MSRA: variants seen among roughly 807,000 people sequenced by gnomAD.
MSRA encodes the protein mitochondrial peptide methionine sulfoxide reductase.
Under a neutral mutation model 31.3 loss-of-function variants are expected in MSRA, and 54 were observed. The observed-to-expected ratio is 1.73, with a 90% confidence interval of 1.39 to 2.17. The LOEUF is 2.17. MSRA is among the 30% of genes most tolerant of loss of function. The probability of loss-of-function intolerance (pLI) is 0.00; values close to 1 mark genes in which losing one functional copy is unlikely to be tolerated. For missense variants in MSRA, 507 were observed against 300.9 expected (o/e 1.69, Z -5.07); for synonymous variants, 169 against 116.5 (o/e 1.45, Z -2.90).
intron 1 of MSRA, among the ~76,000 whole-genome samples, chr8:10,191,885 A>G (rs1807541314): frequency 1.3e-5 from 2 of 152,194 alleles, no homozygotes; most frequent in African/African-American, 4.8e-5. Flanking sequence ...TTAGCAGTTT[A>G]AAACAACACT....
chr8:10,209,583 G>C (rs772745004), intron 2 of MSRA, among the ~76,000 whole-genome samples: 1 of 152,096 alleles, frequency 6.6e-6, no homozygotes, highest in Admixed American at 6.5e-5. Flanking sequence ...GCAGTGGAAA[G>C]ATTTGGTTTA....
At chr8:10,112,884 G>T (rs1226262676) in intron 1 of MSRA, among the ~76,000 whole-genome samples, 1 of 152,068 alleles carries the variant, frequency 6.6e-6, no homozygotes, top group African/African-American at 2.4e-5. Context: ...AACTTTTATG[G>T]CTGCCTTCTT....
Position 10,219,806 on chromosome 8 carries a change from CAAAAAAAA to C in MSRA, c.211+11920_211+11927del, listed in dbSNP as rs59393980. On this transcript the variant is annotated intron_variant, in intron 2 of 5. Transcript: ENST00000317173. ...GGACGACAGATCGAGACTCTGTCTCCAAAAAAAAAAAAAAAAAAAAAAGATATTTGTTA... is the reference window on the plus strand; with the variant it reads ...GGACGACAGATCGAGACTCTGTCTCCAAAAAAAAAAAAAAGATATTTGTTA... Among the ~76,000 whole-genome samples, 4 of 57,116 alleles carry C rather than the reference CAAAAAAAA, an allele frequency of 7.0e-5. 1 individual carries two copies. Among genetic ancestry groups the C allele is most frequent in the African/African-American group, 9.0e-5 (1 of 11,066 alleles). 37.5% of individuals were successfully genotyped at this position (57,116 alleles called of 152,430 possible).
chr8:10,323,896 G>C (rs17151759), intron 5 of MSRA, among the ~76,000 whole-genome samples: 31,654 of 152,038 alleles, frequency 0.21, 4,303 homozygotes, highest in East Asian at 0.59. Flanking sequence ...AGCCATTGCT[G>C]CTCACATTAC....
intron 5 of MSRA, among the ~76,000 whole-genome samples, chr8:10,419,130 C>G (rs1447682480): frequency 6.6e-6 from 1 of 152,182 alleles, no homozygotes; most frequent in Non-Finnish European, 1.5e-5. Context: ...AGCCAGCCCC[C>G]TCCACTCCCT....
rs530729294 is a variant in MSRA, at chr8:10,354,502, C to A, written c.543+34513C>A. On this transcript the variant is annotated intron_variant, in intron 5 of 5. Coordinates refer to ENST00000317173, the MANE Select transcript of MSRA (RefSeq NM_012331.5). Reference sequence around the variant, plus strand: ...GAAAACAGGTAAGACAATAATAGTACCTTTGCTAATCATATTTTAAAACAT... The same window carrying A: ...GAAAACAGGTAAGACAATAATAGTAACTTTGCTAATCATATTTTAAAACAT... Among the ~76,000 whole-genome samples the A allele has an allele frequency of 1.8e-4, 27 of 152,222 alleles. 2 individuals carry two copies. The highest frequency in any genetic ancestry group is 1.7e-3 in the Admixed American group (26 of 15,282).
At chr8:10,193,123 G>A (rs1807659751) in intron 1 of MSRA, among the ~76,000 whole-genome samples, 1 of 152,180 alleles carries the variant, frequency 6.6e-6, no homozygotes, top group African/African-American at 2.4e-5. Flanking sequence ...CAGATTTACT[G>A]CAAGGCCTAT....
intron 1 of MSRA, among the ~76,000 whole-genome samples, chr8:10,101,838 G>A (rs1397285810): frequency 6.6e-6 from 1 of 152,170 alleles, no homozygotes; most frequent in Non-Finnish European, 1.5e-5. Flanking sequence ...GAATAATGGT[G>A]CTATGAACAT....
At chr8:10,324,001 G>T (rs1321594697) in intron 5 of MSRA, among the ~76,000 whole-genome samples, 1 of 152,160 alleles carries the variant, frequency 6.6e-6, no homozygotes, top group East Asian at 1.9e-4. Flanking sequence ...AGATTCCACT[G>T]GGAGATGAGT....
chr8:10,422,190 G>A (rs940512092), intron 5 of MSRA, among the ~76,000 whole-genome samples: 2 of 152,160 alleles, frequency 1.3e-5, no homozygotes, highest in Admixed American at 6.5e-5. Flanking sequence ...AGGGGCTGAG[G>A]TACAAGGATC....
chr8:10,149,775 C>T (rs1488763231), intron 1 of MSRA, among the ~76,000 whole-genome samples: 1 of 45,582 alleles, frequency 2.2e-5, no homozygotes, highest in Non-Finnish European at 5.3e-5. Context: ...GCAGAAACCA[C>T]AAAGGTGGTA....
chr8:10,399,262 A>G (rs1807292405), intron 5 of MSRA, among the ~76,000 whole-genome samples: 2 of 152,252 alleles, frequency 1.3e-5, no homozygotes, highest in Non-Finnish European at 2.9e-5. Flanking sequence ...ACAAGAGAGC[A>G]AATGAGCATG....
intron 5 of MSRA, among the ~76,000 whole-genome samples, chr8:10,417,467 T>A (rs1808534436): frequency 7.3e-6 from 1 of 137,702 alleles, no homozygotes; most frequent in Admixed American, 7.3e-5. Flanking sequence ...CCATGTAGGC[T>A]TAGTAAGCCC....
intron 5 of MSRA, among the ~76,000 whole-genome samples, chr8:10,417,774 G>GTGTGTGTGTGTGTGTGTGTGTC (rs1554557636): frequency 1.3e-5 from 2 of 151,264 alleles, no homozygotes; most frequent in African/African-American, 4.9e-5. Flanking sequence ...GTGTGTGTGT[G>GTGTGTGTGTGTGTGTGTGTGTC]TGTGTCTGTG....
chr8:10,210,074 TG>T (rs1331656925), intron 2 of MSRA, among the ~76,000 whole-genome samples: 2 of 152,058 alleles, frequency 1.3e-5, no homozygotes, highest in African/African-American at 4.8e-5. Flanking sequence ...GTAGGGGATT[TG>T]GGGGGTTTTG....
chr8:10,307,040 T>G (rs1445530987), intron 4 of MSRA, among the ~76,000 whole-genome samples: 2 of 152,174 alleles, frequency 1.3e-5, no homozygotes, highest in African/African-American at 4.8e-5. Flanking sequence ...TCCAAAAGAC[T>G]CATAATCTTG....
intron 3 of MSRA, among the ~76,000 whole-genome samples, chr8:10,258,412 G>A (rs1798295135): frequency 6.6e-6 from 1 of 152,222 alleles, no homozygotes. Flanking sequence ...AAAGGCTCCT[G>A]TCCTACTAGG....
intron 5 of MSRA, among the ~76,000 whole-genome samples, chr8:10,389,333 A>G (rs1344534647): frequency 1.3e-5 from 2 of 152,244 alleles, no homozygotes; most frequent in Non-Finnish European, 2.9e-5. Flanking sequence ...TTTTTGAGGC[A>G]TGGTGAGAAG....
chr8:10,073,033 C>A (rs971735608), intron 1 of MSRA, among the ~76,000 whole-genome samples: 1 of 152,130 alleles, frequency 6.6e-6, no homozygotes, highest in African/African-American at 2.4e-5. Flanking sequence ...AACCCTATCA[C>A]CTGGAAGTAG....
Sources: gnomAD v4.1 joint callset for allele counts (sites outside exome capture counted in the v4.1 genomes callset) on GRCh38, gnomAD v4.1.1 for gene constraint, MANE v1.5 for transcripts, NCBI Gene and HGNC (gene_info 2026-07-23, HGNC 2026-07-21) for gene names.